The following SLF2 variants were observed in gnomAD, a reference collection of about 807,000 sequenced individuals.
The protein encoded by SLF2 is SMC5/6 complex localization factor 2.
In SLF2, 68 loss-of-function variants were observed where a neutral mutation model predicts 124.3. The observed-to-expected ratio is 0.55, with a 90% CI of 0.45 to 0.67. The LOEUF is 0.67. Among genes scored for constraint, SLF2 ranks in the 30% least tolerant of loss-of-function variants. The pLI is 0.00. For synonymous variants in SLF2, 480 were observed against 478.8 expected (o/e 1.00, Z -0.03); for missense variants, 1,246 against 1,373.7 (o/e 0.91, Z 1.47).
chr10:100,942,727 C>G (rs1227373974), intron 11 of SLF2, among the ~76,000 whole-genome samples: 1 of 152,188 alleles, frequency 6.6e-6, no homozygotes, highest in Non-Finnish European at 1.5e-5. Flanking sequence ...CCATGTTGGC[C>G]AGGCTGGTCT....
chr10:100,919,358 G>A (rs879411527), intron 4 of SLF2, among the ~76,000 whole-genome samples: 2 of 151,984 alleles, frequency 1.3e-5, no homozygotes, highest in Non-Finnish European at 2.9e-5. Flanking sequence ...CTGAGTTGTT[G>A]GTATTATGTT....
intron 12 of SLF2, 62 bp downstream of exon 12, chr10:100,944,190 G>T: frequency 8.6e-7 from 1 of 1,163,828 alleles, no homozygotes; most frequent in South Asian, 1.5e-5. Flanking sequence ...TGTGGTTAAT[G>T]GTTTTTAAAA....
At position 100,912,985 on chromosome 10, in the gene SLF2, T is replaced by G; in HGVS notation, c.-126T>G. On this transcript the variant is annotated 5_prime_UTR_variant, in exon 1 of 20. It removes an upstream start codon present in the reference 5' UTR. Transcript: ENST00000238961. ...GTCACTTCCGAAGAGAGAACCGCCA[T>G]GAAGAGAGAAGGGGGTGCCGCCCAC... is the stretch of plus-strand genomic sequence containing the variant. The G allele has an allele frequency of 4.9e-6, 5 of 1,013,748 alleles. No individual in the cohort carries two copies. The highest frequency in any genetic ancestry group is 7.2e-6 in the Non-Finnish European group (5 of 698,330). The allele number at this position is 1,013,748 out of a possible 1,614,324, so 62.8% of individuals were successfully genotyped here. A position where few individuals can be genotyped will look rare whatever the true frequency, so the allele number is the denominator to read the frequency against.
chr10:100,913,395 C>T (rs898752054), intron 1 of SLF2, 145 bp downstream of exon 1: 40 of 1,363,710 alleles, frequency 2.9e-5, no homozygotes, highest in Middle Eastern at 5.4e-4. Context: ...CCCCGCCCCG[C>T]CTCCGCGCAG....
intron 11 of SLF2, among the ~76,000 whole-genome samples, chr10:100,939,670 T>A (rs1849930263): frequency 6.7e-6 from 1 of 149,308 alleles, no homozygotes; most frequent in African/African-American, 2.5e-5. Flanking sequence ...AGAGTGAGAC[T>A]CCATCTAAAA....
At position 100,924,959 on chromosome 10, in the gene SLF2, C is replaced by T. The variant is rs1849588171; in HGVS notation, c.1958C>T (p.Ser653Leu). The change falls in exon 5 of 20, where the codon TCA becomes TTA. Residue 653 changes from serine (S) to leucine (L), a missense_variant. Ser to Leu is a moderately radical substitution (Grantham distance 145). This residue lies in a region of SLF2 where 535 missense variants were observed against 632.8 expected (regional missense o/e 0.85). Transcript: ENST00000238961. ...CTTTCCAAGGGGCTTAGATCTCAGT[C>T]ATCAGACTATACAGTAAGTAGTTCT... ...PALSKGLRSQ[S>L]SDYTGHVHPG... 1.2e-6 allele frequency: 2 copies of T among 1,612,476 alleles called. No individual in the cohort carries two copies. Among genetic ancestry groups the T allele is most frequent in the Admixed American group, 3.3e-5 (2 of 59,862 alleles).
chr10:100,961,936 T>G lies in SLF2; in HGVS notation c.*24T>G. ...AATAGGAGTTGCAGCAGCAAAAATA[T>G]GAACCAAGAGAAATTCAATAAGAGC... On this transcript the variant is annotated 3_prime_UTR_variant, in exon 20 of 20. Transcript: ENST00000238961. 1.3e-6 allele frequency: 2 copies of G among 1,598,746 alleles called. No individual in the cohort carries two copies. The highest frequency in any genetic ancestry group is 1.7e-6 in the Non-Finnish European group (2 of 1,168,928).
chr10:100,949,260 TC>T (rs1253607498), intron 15 of SLF2, among the ~76,000 whole-genome samples: 1 of 152,200 alleles, frequency 6.6e-6, no homozygotes, highest in Non-Finnish European at 1.5e-5. Context: ...TCAAAAGAGA[TC>T]CGGGGATAGG....
chr10:100,918,832 C>G (rs1213739627), intron 4 of SLF2, among the ~76,000 whole-genome samples: 1 of 152,048 alleles, frequency 6.6e-6, no homozygotes, highest in African/African-American at 2.4e-5. Context: ...CCACGTTGCC[C>G]AGGCTGGTCT....
intron 17 of SLF2, among the ~76,000 whole-genome samples, chr10:100,954,286 G>C (rs1850283075): frequency 6.6e-6 from 1 of 151,990 alleles, no homozygotes; most frequent in South Asian, 2.1e-4. Flanking sequence ...TCAAATATTT[G>C]TACTTCTATC....
intron 17 of SLF2, among the ~76,000 whole-genome samples, chr10:100,952,798 G>A (rs1194442466): frequency 6.6e-6 from 1 of 151,276 alleles, no homozygotes; most frequent in Non-Finnish European, 1.5e-5. Flanking sequence ...AATTAGCCGG[G>A]CGTGATGGTG....
Position 100,938,682 on chromosome 10 carries a change from G to T in SLF2, c.2600G>T (p.Arg867Ile), listed in dbSNP as rs1404027674. ...AVFFNMGIDF[R>I]SLFPLENLQP... ...TTTTTCAATATGGGGATTGATTTTA[G>T]ATCTTTGTTTCCCCTGGAGAATCTT... Residue 867 changes from arginine to isoleucine, a missense_variant, in exon 11 of 20, where the codon AGA (arginine) becomes ATA (isoleucine). Physicochemically the swap from Arg to Ile is moderately conservative, Grantham distance 97. Transcript: ENST00000238961. The T allele has an allele frequency of 6.2e-7, 1 of 1,613,308 alleles. No individual in the cohort carries two copies. Among genetic ancestry groups the T allele is most frequent in the Non-Finnish European group, 8.5e-7 (1 of 1,179,810 alleles).
At chr10:100,922,109 G>C (rs990296269) in intron 4 of SLF2, among the ~76,000 whole-genome samples, 2 of 152,060 alleles carry the variant, frequency 1.3e-5, no homozygotes. Context: ...TTTGATTCAA[G>C]GTCTTACTCT....
chr10:100,943,980 T>C (rs768532330), intron 11 of SLF2, 46 bp from the exon 12 acceptor site: 4 of 1,260,538 alleles, frequency 3.2e-6, no homozygotes, highest in Middle Eastern at 1.9e-4. Context: ...AAGTGAGTTA[T>C]ATATTTTGTG....
rs554502558 is a variant in SLF2, at chr10:100,956,096, T to G, written c.3331-355T>G. Among the ~76,000 whole-genome samples the G allele has an allele frequency of 8.6e-5, 13 of 152,040 alleles. No individual in the cohort carries two copies. The East Asian group carries it at 1.5e-3, about 18-fold the overall frequency. ...AAAAAATTTTTTTCTTTTTTTTTTTTTAAAAGGCTAGCCGTTGTCTGAATA... is the reference window on the plus strand; with the variant it reads ...AAAAAATTTTTTTCTTTTTTTTTTTGTAAAAGGCTAGCCGTTGTCTGAATA... On this transcript the variant is annotated intron_variant, in intron 17 of 19. Coordinates refer to ENST00000238961, the MANE Select transcript of SLF2 (RefSeq NM_018121.4).
rs1850444236 is a variant in SLF2, at chr10:100,962,653, C to T, written c.*741C>T. The T allele has an allele frequency of 6.6e-6, 1 of 152,584 alleles. No homozygotes were observed. Among genetic ancestry groups the T allele is most frequent in the Non-Finnish European group, 1.5e-5 (1 of 68,024 alleles). 9.5% of individuals were successfully genotyped at this position (152,584 alleles called of 1,614,324 possible). Reference sequence around the variant, plus strand: ...GTTTGTTCTGGATTTCTTTTAAATGCATGTATTTTAAATACTGGTTAAATC... The same window carrying T: ...GTTTGTTCTGGATTTCTTTTAAATGTATGTATTTTAAATACTGGTTAAATC... On this transcript the variant is annotated 3_prime_UTR_variant, in exon 20 of 20. Transcript: ENST00000238961.
At chr10:100,954,130 G>A (rs995244453) in intron 17 of SLF2, among the ~76,000 whole-genome samples, 14 of 151,930 alleles carry the variant, frequency 9.2e-5, no homozygotes, top group African/African-American at 2.9e-4. Context: ...GGTGATGCAT[G>A]CCTGTAGTCC....
chr10:100,961,111 G>A (rs1027106261), intron 19 of SLF2, among the ~76,000 whole-genome samples: 11 of 134,630 alleles, frequency 8.2e-5, no homozygotes, highest in Non-Finnish European at 1.2e-4. Flanking sequence ...CTGGGTTCAC[G>A]CCATTCTCCT....
At chr10:100,945,542 T>A in intron 13 of SLF2, 36 bp downstream of exon 13, 1 of 1,465,260 alleles carries the variant, frequency 6.8e-7, no homozygotes, top group Non-Finnish European at 9.0e-7. Flanking sequence ...TCATTTTTTA[T>A]ATAGCATTAC....
Sources: gnomAD v4.1 joint callset for allele counts (sites outside exome capture counted in the v4.1 genomes callset) on GRCh38, gnomAD v4.1.1 for gene constraint, gnomAD v4.1.1 regional missense constraint, MANE v1.5 for transcripts, NCBI Gene and HGNC (gene_info 2026-07-23, HGNC 2026-07-21) for gene names.